The following TENM2 variants were observed in gnomAD, a reference collection of about 807,000 sequenced individuals.
TENM2 encodes the protein teneurin transmembrane protein 2.
Under a neutral mutation model 245.2 loss-of-function variants are expected in TENM2, and 52 were observed. The ratio of observed to expected loss-of-function variants is 0.21; its 90% CI spans 0.17 to 0.27. The LOEUF (loss-of-function observed/expected upper bound fraction) is 0.27, where lower values mean the gene tolerates loss of function less well. Ranked by LOEUF, TENM2 falls within the 10% of genes least tolerant of loss-of-function variation. The probability of loss-of-function intolerance (pLI) is 1.00; values close to 1 mark genes in which losing one functional copy is unlikely to be tolerated. For synonymous variants in TENM2, 1,363 were observed against 1,438.9 expected (o/e 0.95, Z 1.19); for missense variants, 3,046 against 3,666.8 (o/e 0.83, Z 4.37).
At chr5:167,943,148 T>C (rs1779323607) in intron 3 of TENM2, among the ~76,000 whole-genome samples, 1 of 152,194 alleles carries the variant, frequency 6.6e-6, no homozygotes, top group Non-Finnish European at 1.5e-5. Flanking sequence ...CCAGGAGAGA[T>C]TTTGGGAAAA....
intron 13 of TENM2, among the ~76,000 whole-genome samples, chr5:168,165,635 GATCCCCCCCCC>G (rs1171599823): frequency 7.3e-5 from 5 of 68,274 alleles, no homozygotes; most frequent in Admixed American, 2.0e-4. Flanking sequence ...CACAATTCAG[GATCCCCCCCCC>G]AACCCCCCCC....
chr5:167,118,710 A>AT, the TENM2 span, among the ~76,000 whole-genome samples: 2 of 152,180 alleles, frequency 1.3e-5, no homozygotes, highest in Non-Finnish European at 1.5e-5. Flanking sequence ...ATGAGTATCA[A>AT]TGCTGCTTAT....
intron 1 of TENM2, among the ~76,000 whole-genome samples, chr5:167,293,976 C>CTG (rs55869331): frequency 0.1 from 14,864 of 148,068 alleles, 1,051 homozygotes; most frequent in East Asian, 0.35. Context: ...GATGTGAGTT[C>CTG]TGTGTGTGTG....
chr5:167,198,607 C>T, the TENM2 span, among the ~76,000 whole-genome samples: 6 of 151,940 alleles, frequency 3.9e-5, no homozygotes, highest in African/African-American at 1.2e-4. Context: ...AAGAGTGCAG[C>T]GAGAGAATCT....
At chr5:167,820,378 T>G (rs893158516) in intron 2 of TENM2, among the ~76,000 whole-genome samples, 4 of 152,206 alleles carry the variant, frequency 2.6e-5, no homozygotes, top group Non-Finnish European at 5.9e-5. Flanking sequence ...GCAGGCTTGC[T>G]GAGGAATGCT....
chr5:167,429,709 C>A (rs563353492), intron 2 of TENM2, among the ~76,000 whole-genome samples: 1 of 149,670 alleles, frequency 6.7e-6, no homozygotes, highest in African/African-American at 2.5e-5. Context: ...CAGGTTCAAG[C>A]GATTCTCCTG....
At position 167,478,501 on chromosome 5, in the gene TENM2, T is replaced by A. The variant is rs752814468; in HGVS notation, c.502+103028T>A. ...GTAGCTTGTGCATTGTTTGCCTTCA[T>A]TAACATATGATAACTGGAAATGGGT... On this transcript the variant is annotated intron_variant, in intron 2 of 28. Transcript: ENST00000518659. Among the ~76,000 whole-genome samples the A allele has an allele frequency of 2.6e-5, 4 of 152,204 alleles. 1 individual carries two copies. Among genetic ancestry groups the A allele is most frequent in the African/African-American group, 7.2e-5 (3 of 41,458 alleles).
chr5:167,882,938 G>T (rs940622962), intron 3 of TENM2, among the ~76,000 whole-genome samples: 4 of 152,132 alleles, frequency 2.6e-5, no homozygotes, highest in Non-Finnish European at 5.9e-5. Flanking sequence ...TTCTGTCTCT[G>T]TAAGCTCCTT....
At chr5:168,256,234 GTA>G (rs528026427) in intron 27 of TENM2, among the ~76,000 whole-genome samples, 1 of 151,112 alleles carries the variant, frequency 6.6e-6, no homozygotes, top group African/African-American at 2.4e-5. Flanking sequence ...ATATATATGT[GTA>G]TATATATGTA....
the TENM2 span, among the ~76,000 whole-genome samples, chr5:167,162,977 A>G: frequency 6.6e-6 from 1 of 152,198 alleles, no homozygotes; most frequent in Non-Finnish European, 1.5e-5. Context: ...TTGTCTAGTC[A>G]TGAAACATAC....
chr5:167,909,120 A>G (rs1776350040), intron 3 of TENM2, among the ~76,000 whole-genome samples: 2 of 148,854 alleles, frequency 1.3e-5, no homozygotes. Flanking sequence ...TTTTTCAAGG[A>G]AGAGAATTCA....
At chr5:168,213,732 G>T (rs1487494937) in intron 20 of TENM2, among the ~76,000 whole-genome samples, 4 of 152,110 alleles carry the variant, frequency 2.6e-5, no homozygotes, top group Non-Finnish European at 5.9e-5. Flanking sequence ...TACTCAGGAG[G>T]CTGAGGCGGG....
At chr5:167,105,497 A>G in the TENM2 span, among the ~76,000 whole-genome samples, 1 of 152,184 alleles carries the variant, frequency 6.6e-6, no homozygotes, top group Non-Finnish European at 1.5e-5. Context: ...AGTTAAACAT[A>G]ATTTTAGATT....
intron 2 of TENM2, among the ~76,000 whole-genome samples, chr5:167,875,124 A>T (rs952241605): frequency 1.3e-5 from 2 of 152,236 alleles, no homozygotes; most frequent in South Asian, 2.1e-4. Flanking sequence ...GCCTGCATTC[A>T]AAGAGTAGTA....
At chr5:168,040,507 A>G in intron 5 of TENM2, among the ~76,000 whole-genome samples, 1 of 152,212 alleles carries the variant, frequency 6.6e-6, no homozygotes, top group East Asian at 1.9e-4. Context: ...TGTAACTTCC[A>G]TGCAGTGCTT....
chr5:167,865,502 A>G (rs922026504), intron 2 of TENM2, among the ~76,000 whole-genome samples: 21 of 152,044 alleles, frequency 1.4e-4, no homozygotes, highest in African/African-American at 5.1e-4. Flanking sequence ...TCAAACTCCT[A>G]GACTCAAGTG....
chr5:167,563,672 G>A (rs1008573337), intron 2 of TENM2, among the ~76,000 whole-genome samples: 1 of 152,112 alleles, frequency 6.6e-6, no homozygotes, highest in Non-Finnish European at 1.5e-5. Context: ...TACAACAGTG[G>A]TCCCATAAGA....
chr5:167,399,116 G>A lies in TENM2; in HGVS notation c.502+23643G>A, dbSNP rs551661416. ...TTCTGGGAACCTGTCACAAGCGGGA[G>A]TTCTGCCTCGTATATCAAAAAGGAA... On this transcript the variant is annotated intron_variant, in intron 2 of 28. Coordinates refer to ENST00000518659, the Ensembl canonical transcript of TENM2. 1.8e-4 allele frequency among the ~76,000 whole-genome samples: 27 copies of A among 152,258 alleles called. 1 individual carries two copies. The South Asian group carries it at 5.4e-3, about 30-fold the overall frequency.
At chr5:167,488,508 G>A (rs1002981669) in intron 2 of TENM2, among the ~76,000 whole-genome samples, 15 of 152,192 alleles carry the variant, frequency 9.9e-5, no homozygotes, top group African/African-American at 3.1e-4. Flanking sequence ...TCATTCCCTG[G>A]CCTTCCAGGA....
Sources: gnomAD v4.1 joint callset for allele counts (sites outside exome capture counted in the v4.1 genomes callset) on GRCh38, gnomAD v4.1.1 for gene constraint, MANE v1.5 for transcripts, NCBI Gene and HGNC (gene_info 2026-07-23, HGNC 2026-07-21) for gene names.